The following CFAP46 variants were observed in gnomAD, a reference collection of about 807,000 sequenced individuals.
CFAP46 encodes cilia and flagella associated protein 46.
Under a neutral mutation model 325.7 loss-of-function variants are expected in CFAP46, and 245 were observed. That is an observed-to-expected ratio of 0.75 (90% confidence interval 0.68 to 0.84). The LOEUF is 0.84. Ranked by LOEUF, CFAP46 falls within the 40% of genes least tolerant of loss-of-function variation. The pLI is 0.00. For synonymous variants in CFAP46, 1,523 were observed against 1,495.9 expected, an observed-to-expected ratio of 1.02 and a Z score of -0.42; for missense variants, 3,346 against 3,543.0, an observed-to-expected ratio of 0.94 and a Z score of 1.41.
chr10:132,929,209 C>T, intron 9 of CFAP46: 1 of 411,142 alleles, frequency 2.4e-6, no homozygotes, highest in Non-Finnish European at 4.3e-6. Flanking sequence ...ATATTTATAA[C>T]AATAACTAAT....
At chr10:132,835,027 G>A (rs191143218) in intron 47 of CFAP46, among the ~76,000 whole-genome samples, 1 of 152,228 alleles carries the variant, frequency 6.6e-6, no homozygotes, top group East Asian at 1.9e-4. Context: ...GGACAGCCGG[G>A]CCCAGGTGAC....
In CFAP46 at chr10:132,886,030, G is replaced by A; in HGVS notation, c.3305-71C>T. On this transcript the variant is annotated intron_variant, in intron 25 of 57. Coordinates refer to ENST00000368586, the MANE Select transcript of CFAP46 (RefSeq NM_001200049.3). This position sits in a 1 kb window ranked among gnomAD's most constrained non-coding sequence, Gnocchi z 5.8. ...ATCAAAGGCGCCCTCGGACCTCCCA[G>A]ACTAAGCTGCCCATCACAGTGCCCC... is the stretch of plus-strand genomic sequence containing the variant. The A allele has an allele frequency of 1.3e-6, 2 of 1,520,926 alleles. No homozygotes were observed. Among genetic ancestry groups the A allele is most frequent in the Non-Finnish European group, 1.8e-6 (2 of 1,127,802 alleles). The allele number at this position is 1,520,926 out of a possible 1,614,324, so 94.2% of individuals were successfully genotyped here.
intron 40 of CFAP46, among the ~76,000 whole-genome samples, chr10:132,850,690 T>C (rs1848524053): frequency 6.6e-6 from 1 of 152,248 alleles, no homozygotes. Context: ...TTATGTAAAT[T>C]AATTTGAGTC....
rs894487863 is a variant in CFAP46 at position 132,884,981 on chromosome 10, T to A, written c.3627+122A>T. The A allele has an allele frequency of 2.9e-5, 31 of 1,075,990 alleles. No homozygotes were observed. Among genetic ancestry groups the A allele is most frequent in the Non-Finnish European group, 3.7e-5 (28 of 766,894 alleles). The allele number at this position is 1,075,990 out of a possible 1,614,324, so 66.7% of individuals were successfully genotyped here. A position where few individuals can be genotyped will look rare whatever the true frequency, so the allele number is the denominator to read the frequency against. On this transcript the variant is annotated intron_variant, in intron 27 of 57. Transcript: ENST00000368586. The surrounding 1 kb of genome is among the most constrained non-coding windows in gnomAD (Gnocchi z 5.4). ...CCACGCGGTGCATTCTCTGTGCCCG[T>A]CAGCTGTGGCTGCTCTGCGTGCTGC...
chr10:132,868,135 C>A (rs914604605), intron 33 of CFAP46, among the ~76,000 whole-genome samples: 2 of 152,196 alleles, frequency 1.3e-5, no homozygotes, highest in African/African-American at 4.8e-5. Flanking sequence ...GGCCTGCACG[C>A]CCCTCTGCCC....
intron 50 of CFAP46, among the ~76,000 whole-genome samples, chr10:132,829,039 C>T (rs1432488037): frequency 2.0e-5 from 3 of 149,180 alleles, no homozygotes; most frequent in Admixed American, 2.0e-4. Context: ...ATAGGGGTCC[C>T]TTACATTTTT....
intron 22 of CFAP46, among the ~76,000 whole-genome samples, chr10:132,907,384 C>A (rs1849471925): frequency 6.6e-6 from 1 of 152,142 alleles, no homozygotes; most frequent in African/African-American, 2.4e-5. Flanking sequence ...ACACGGTAAG[C>A]CACTAAAAGT....
intron 8 of CFAP46, among the ~76,000 whole-genome samples, chr10:132,930,132 G>A (rs543050497): frequency 2.8e-4 from 43 of 152,226 alleles, no homozygotes; most frequent in African/African-American, 9.4e-4. Context: ...GACGACATGC[G>A]TACTCAAAGC....
intron 50 of CFAP46, among the ~76,000 whole-genome samples, chr10:132,822,034 GAT>G (rs1847856215): frequency 1.5e-5 from 2 of 134,136 alleles, no homozygotes; most frequent in South Asian, 2.5e-4. Context: ...TGTGAGTGCT[GAT>G]GTGTGCTGAT....
rs190089069 is a variant in CFAP46, at chr10:132,895,214, C to A, written c.3220-2797G>T. Reference sequence around the variant, plus strand: ...TTAACAGAACAAAGGAGAAAAACCACACAACCGGCTCAATTGACAGAGAAA... The same window carrying A: ...TTAACAGAACAAAGGAGAAAAACCAAACAACCGGCTCAATTGACAGAGAAA... On this transcript the variant is annotated intron_variant, in intron 24 of 57. Transcript: ENST00000368586. Among the ~76,000 whole-genome samples the A allele has an allele frequency of 9.4e-3, 1,434 of 152,316 alleles. 13 individuals are homozygous for A. Among genetic ancestry groups the A allele is most frequent in the South Asian group, 0.043 (209 of 4,826 alleles).
intron 9 of CFAP46, chr10:132,929,397 G>C (rs1849856837): frequency 4.5e-6 from 3 of 671,834 alleles, no homozygotes; most frequent in African/African-American, 3.6e-5. Flanking sequence ...GGGACTGGTG[G>C]AGGATGTTCT....
At chr10:132,941,499 GA>G (rs764095784) in intron 3 of CFAP46, 91 bp downstream of exon 3, 52 of 1,492,490 alleles carry the variant, frequency 3.5e-5, no homozygotes, top group Non-Finnish European at 4.6e-5. Context: ...ACTACCCTAA[GA>G]ACGATTTTAA....
chr10:132,912,601 T>G (rs1207577746), intron 19 of CFAP46, 54 bp downstream of exon 19: 1 of 1,419,756 alleles, frequency 7.0e-7, no homozygotes, highest in Non-Finnish European at 9.3e-7. Context: ...CTCTCTCCTC[T>G]CTCCTCTCTC....
intron 27 of CFAP46, among the ~76,000 whole-genome samples, chr10:132,882,308 G>T (rs1449447697): frequency 6.6e-6 from 1 of 151,230 alleles, no homozygotes. Flanking sequence ...TGGGTTACAG[G>T]TGTGAAGGTG....
chr10:132,880,686 A>G (rs4880460), intron 28 of CFAP46, among the ~76,000 whole-genome samples, 175 bp downstream of exon 28: 11,916 of 59,694 alleles, frequency 0.2, 603 homozygotes, highest in African/African-American at 0.27. Context: ...AGAGGACAGC[A>G]CTGAGACACG....
Position 132,908,525 on chromosome 10 carries a change from A to T in CFAP46, c.2867T>A (p.Met956Lys). The stretch of plus-strand genomic sequence containing the variant: ...CTCCAGAGCCCTGTGAGCACAGGCC[A>T]TGGTGGTCTCATGGTCACGCGCTGC... ...AHAARDHETT[M>K]ACAHRALEMG... Residue 956 changes from methionine (M) to lysine (K), a missense_variant, in exon 22 of 58, where the codon ATG becomes AAG. Physicochemically the swap from Met to Lys is moderately conservative, Grantham distance 95 (BLOSUM62 -1). Coordinates refer to ENST00000368586, the MANE Select transcript of CFAP46 (RefSeq NM_001200049.3). The T allele has an allele frequency of 6.4e-7, 1 of 1,550,552 alleles. No homozygotes were observed. The highest frequency in any genetic ancestry group is 8.7e-7 in the Non-Finnish European group (1 of 1,146,986).
rs1033116475 is a variant in CFAP46 at position 132,918,339 on chromosome 10, C to G, written c.1986+54G>C. On this transcript the variant is annotated intron_variant, in intron 16 of 57. Coordinates refer to ENST00000368586, the MANE Select transcript of CFAP46 (RefSeq NM_001200049.3). ...ACGACGCACCTCAGCACCGATGAAC[C>G]CCCCTCTCCACGACGCACCTCAGCA... 87 of 1,325,698 alleles carry G rather than the reference C, an allele frequency of 6.6e-5. No individual in the cohort carries two copies. The African/African-American group carries it at 9.2e-4, about 14-fold the overall frequency. The allele number at this position is 1,325,698 out of a possible 1,614,324, so 82.1% of individuals were successfully genotyped here.
intron 5 of CFAP46, 152 bp from the exon 6 acceptor site, chr10:132,937,827 G>T: frequency 4.7e-6 from 5 of 1,063,330 alleles, no homozygotes; most frequent in Non-Finnish European, 6.6e-6. Flanking sequence ...AGGCTGTGTG[G>T]CTCACCAGGA....
At chr10:132,879,020 C>G (rs1463279127) in intron 29 of CFAP46, among the ~76,000 whole-genome samples, 3 of 152,178 alleles carry the variant, frequency 2.0e-5, no homozygotes, top group East Asian at 1.9e-4. Context: ...CAGGAGCTGT[C>G]GGGCCCCAGC....
Sources: gnomAD v4.1 joint callset for allele counts (sites outside exome capture counted in the v4.1 genomes callset) on GRCh38, gnomAD v4.1.1 for gene constraint, Gnocchi (gnomAD v3.1) non-coding constraint, MANE v1.5 for transcripts, NCBI Gene and HGNC (gene_info 2026-07-23, HGNC 2026-07-21) for gene names.